LINC00237: variants seen among roughly 807,000 people sequenced by gnomAD.
The protein encoded by LINC00237 is long intergenic non-protein coding RNA 237.
intron 2 of LINC00237, chr20:21,089,661 T>C (rs141326448): frequency 1.3e-5 from 2 of 152,210 alleles, no homozygotes; most frequent in Non-Finnish European, 2.9e-5. Context: ...TGAGTCATTC[T>C]TTTTGCATAC....
intron 2 of LINC00237, among the ~76,000 whole-genome samples, chr20:21,091,632 CA>C (rs1244039763): frequency 6.6e-6 from 1 of 152,132 alleles, no homozygotes; most frequent in African/African-American, 2.4e-5. Flanking sequence ...ACGACTCCAC[CA>C]AACATTAGGA....
At chr20:21,105,975 G>T (rs570450542) in intron 1 of LINC00237, among the ~76,000 whole-genome samples, 1 of 152,210 alleles carries the variant, frequency 6.6e-6, no homozygotes, top group African/African-American at 2.4e-5. Context: ...GGGTCGGGGG[G>T]ATGGGATCCA....
intron 2 of LINC00237, chr20:21,093,078 G>C (rs1288015201): frequency 1.3e-5 from 2 of 152,162 alleles, no homozygotes; most frequent in Non-Finnish European, 2.9e-5. Context: ...CCTAGAGCCA[G>C]CATCCACTAC....
In LINC00237 at chr20:21,085,716, T is replaced by G. The variant is rs147773755; in HGVS notation, n.732A>C. Among the ~76,000 whole-genome samples, 60 of 152,330 alleles carry G rather than the reference T, an allele frequency of 3.9e-4. 1 individual carries two copies. In the East Asian group the frequency reaches 9.8e-3, roughly 25 times the overall value. ...GGGCTTCTGTGATGCTGCTGATGTT[T>G]TTTTCTTCATCTGGTGCTGGTTACA... On this transcript the variant is annotated non_coding_transcript_exon_variant, in exon 4 of 4. Transcript: ENST00000691244.
In LINC00237 at chr20:21,101,500, G is replaced by A. The variant is rs1479858665; in HGVS notation, n.88+4771C>T. On this transcript the variant is annotated intron_variant and non_coding_transcript_variant, in intron 1 of 3. Coordinates refer to ENST00000691244, the Ensembl canonical transcript of LINC00237. This position sits in a 1 kb window ranked among gnomAD's most constrained non-coding sequence, Gnocchi z 4.3. ...TGACAGAGGCGCGTGCGGGGGAAAG[G>A]CCCACCCACGCTGTCCCTGGAGTCC... is the stretch of plus-strand genomic sequence containing the variant. 1 of 152,278 alleles carries A rather than the reference G, an allele frequency of 6.6e-6. No homozygotes were observed. The highest frequency in any genetic ancestry group is 2.4e-5 in the African/African-American group (1 of 41,468). The allele number at this position is 152,278 out of a possible 1,614,324, so 9.4% of individuals were successfully genotyped here.
chr20:21,104,130 A>G (rs962558462), intron 1 of LINC00237, among the ~76,000 whole-genome samples: 16 of 152,182 alleles, frequency 1.1e-4, no homozygotes, highest in Non-Finnish European at 1.8e-4. Context: ...CCAGGCGCAC[A>G]CTATTAATGC....
intron 1 of LINC00237, chr20:21,093,940 C>T (rs556665947): frequency 6.6e-6 from 1 of 152,348 alleles, no homozygotes; most frequent in South Asian, 2.1e-4. Flanking sequence ...CCTTCCCTTT[C>T]CATCTCCAAC....
intron 1 of LINC00237, among the ~76,000 whole-genome samples, chr20:21,099,652 C>T (rs1050555811): frequency 2.0e-5 from 3 of 152,076 alleles, no homozygotes; most frequent in African/African-American, 4.8e-5. Context: ...ATGACCCAGG[C>T]GCCCTTCTTT....
chr20:21,105,272 A>AC (rs34082827), intron 1 of LINC00237, among the ~76,000 whole-genome samples: 26 of 147,424 alleles, frequency 1.8e-4, no homozygotes, highest in Non-Finnish European at 2.3e-4. Flanking sequence ...GGTCTGAACA[A>AC]CCCCCCCGTC....
At chr20:21,092,135 C>T (rs1042612057) in intron 2 of LINC00237, among the ~76,000 whole-genome samples, 1 of 152,178 alleles carries the variant, frequency 6.6e-6, no homozygotes, top group Non-Finnish European at 1.5e-5. Context: ...ACCCAGTGTT[C>T]AAGGACTCTG....
intron 1 of LINC00237, among the ~76,000 whole-genome samples, chr20:21,102,009 G>T (rs2030938966): frequency 6.6e-6 from 1 of 152,266 alleles, no homozygotes; most frequent in African/African-American, 2.4e-5. Flanking sequence ...AGGCGGATAC[G>T]CAAGGCCAGA....
chr20:21,091,021 A>T (rs2030784809), intron 2 of LINC00237, among the ~76,000 whole-genome samples: 1 of 151,726 alleles, frequency 6.6e-6, no homozygotes, highest in African/African-American at 2.4e-5. Flanking sequence ...GAAAGTAGCC[A>T]TTAGCCTGTC....
chr20:21,105,345 G>A (rs370852066), intron 1 of LINC00237, among the ~76,000 whole-genome samples: 17 of 150,896 alleles, frequency 1.1e-4, no homozygotes, highest in South Asian at 2.1e-4. Context: ...TACCTGTCGA[G>A]GGCCTGCCCT....
At chr20:21,088,200 T>C (rs1322653653) in intron 2 of LINC00237, among the ~76,000 whole-genome samples, 1 of 152,118 alleles carries the variant, frequency 6.6e-6, no homozygotes, top group Non-Finnish European at 1.5e-5. Flanking sequence ...CCGCAGTCAC[T>C]ATAGGACCGT....
intron 1 of LINC00237, among the ~76,000 whole-genome samples, chr20:21,100,863 G>A (rs902012528): frequency 6.6e-6 from 1 of 152,058 alleles, no homozygotes; most frequent in East Asian, 1.9e-4. Flanking sequence ...AAACCAAATC[G>A]GGCCCATAAT....
At chr20:21,091,060 CGTGTGTGTGTGT>C (rs57771489) in intron 2 of LINC00237, among the ~76,000 whole-genome samples, 1 of 147,156 alleles carries the variant, frequency 6.8e-6, no homozygotes, top group South Asian at 2.2e-4. Flanking sequence ...TGTGTGTGTG[CGTGTGTGTGTGT>C]GTGTGTGTGT....
At chr20:21,091,085 T>G (rs1163168634) in intron 2 of LINC00237, among the ~76,000 whole-genome samples, 1 of 150,176 alleles carries the variant, frequency 6.7e-6, no homozygotes, top group African/African-American at 2.5e-5. Context: ...GTGTGTGTGT[T>G]ACCTCTGCTA....
At chr20:21,090,306 G>A (rs1305703036) in intron 2 of LINC00237, 1 of 152,218 alleles carries the variant, frequency 6.6e-6, no homozygotes, top group Non-Finnish European at 1.5e-5. Context: ...GACTGGCATT[G>A]TTGTCTAAAA....
At chr20:21,100,335 A>C (rs995299871) in intron 1 of LINC00237, among the ~76,000 whole-genome samples, 1 of 152,364 alleles carries the variant, frequency 6.6e-6, no homozygotes, top group Non-Finnish European at 1.5e-5. Flanking sequence ...GTAATGTCAA[A>C]TAAAACATTG....
Sources: allele counts gnomAD v4.1 joint callset (sites outside exome capture counted in the v4.1 genomes callset), GRCh38; gene constraint gnomAD v4.1.1; non-coding constraint Gnocchi (gnomAD v3.1); transcripts MANE v1.5; gene names NCBI Gene and HGNC (gene_info 2026-07-23, HGNC 2026-07-21).